MEGF6: variants seen among roughly 807,000 people sequenced by gnomAD.
The protein encoded by MEGF6 is multiple EGF like domains 6.
Under a neutral mutation model 207.1 loss-of-function variants are expected in MEGF6, and 184 were observed. The ratio of observed to expected loss-of-function variants is 0.89; its 90% CI spans 0.79 to 1.00. The LOEUF is 1.00. MEGF6 is among the 50% of genes least tolerant of loss of function. The pLI is 0.00. For synonymous variants in MEGF6, 1,038 were observed against 910.0 expected, an observed-to-expected ratio of 1.14 and a Z score of -2.53; for missense variants, 2,282 against 2,202.9, an observed-to-expected ratio of 1.04 and a Z score of -0.72.
rs752215448 is a variant in MEGF6 at position 3,510,907 on chromosome 1, G to A, written c.1115-5C>T. 2 of 1,598,114 alleles carry A rather than the reference G, an allele frequency of 1.3e-6. No homozygotes were observed. Among genetic ancestry groups the A allele is most frequent in the East Asian group, 2.3e-5 (1 of 44,338 alleles). On this transcript the variant is annotated splice_region_variant and splice_polypyrimidine_tract_variant and intron_variant, in intron 9 of 36. Transcript: ENST00000356575. ...TGTCTGCACAGTCGTCGACATCTGT[G>A]GAGCACACGCCACGGGCCCCCTGGT...
At position 3,490,396 on chromosome 1, in the gene MEGF6, C is replaced by T; in HGVS notation, c.*132G>A. The T allele has an allele frequency of 2.0e-6, 2 of 1,003,738 alleles. No individual in the cohort carries two copies. The highest frequency in any genetic ancestry group is 2.7e-5 in the East Asian group (1 of 37,654). 62.2% of individuals were successfully genotyped at this position (1,003,738 alleles called of 1,614,324 possible). ...CGACAGGTTGCTGGGCTGTCCACAG[C>T]CCTCCACGGCCCTCAAAGGAAGGGC... On this transcript the variant is annotated 3_prime_UTR_variant, in exon 37 of 37. Coordinates refer to ENST00000356575, the MANE Select transcript of MEGF6 (RefSeq NM_001409.4).
At chr1:3,580,331 A>AC (rs969086815) in intron 3 of MEGF6, among the ~76,000 whole-genome samples, 1 of 150,910 alleles carries the variant, frequency 6.6e-6, no homozygotes, top group Admixed American at 6.6e-5. Context: ...CCGGCTGAGG[A>AC]CCCCCCTCAA....
At chr1:3,531,308 G>C in intron 4 of MEGF6, 2 of 1,245,388 alleles carry the variant, frequency 1.6e-6, no homozygotes, top group Non-Finnish European at 2.0e-6. Context: ...TAAGCCGGCG[G>C]CCGGGCGACG....
intron 28 of MEGF6, 75 bp downstream of exon 28, chr1:3,496,912 CG>C (rs1285527364): frequency 3.3e-6 from 5 of 1,527,694 alleles, no homozygotes; most frequent in African/African-American, 1.4e-5. Context: ...AGGGCCTTCC[CG>C]GGGACCAGGG....
At chr1:3,590,349 G>A (rs112133666) in intron 3 of MEGF6, among the ~76,000 whole-genome samples, 18 of 152,118 alleles carry the variant, frequency 1.2e-4, no homozygotes, top group African/African-American at 2.7e-4. Context: ...ACCTGGCACC[G>A]GACCAGGATA....
chr1:3,570,558 C>A (rs1643466075), intron 4 of MEGF6, among the ~76,000 whole-genome samples: 1 of 152,230 alleles, frequency 6.6e-6, no homozygotes, highest in African/African-American at 2.4e-5. Flanking sequence ...AAGGAGGCAT[C>A]TTCCGGCCCA....
At chr1:3,582,837 C>T (rs557385636) in intron 3 of MEGF6, among the ~76,000 whole-genome samples, 21 of 152,316 alleles carry the variant, frequency 1.4e-4, no homozygotes, top group African/African-American at 3.8e-4. Context: ...CACAGCGCCC[C>T]GCTCTTGCCC....
chr1:3,531,547 G>T (rs1469363844), intron 4 of MEGF6: 8 of 987,604 alleles, frequency 8.1e-6, no homozygotes, highest in African/African-American at 5.2e-5. Context: ...CCCCCAGGGG[G>T]CCGCGCCGGC....
At position 3,560,654 on chromosome 1, in the gene MEGF6, T is replaced by C; in HGVS notation, c.481+19171A>G. 1 of 446,434 alleles carries C rather than the reference T, an allele frequency of 2.2e-6. No individual in the cohort carries two copies. Among genetic ancestry groups the C allele is most frequent in the Non-Finnish European group, 4.7e-6 (1 of 211,034 alleles). The allele number at this position is 446,434 out of a possible 1,614,324, so 27.7% of individuals were successfully genotyped here. ...GGGGATCCGGGGTCCCTTCCCAGGCTTGGGGGAGGCTGGGTGCCATCAACC... is the reference window on the plus strand; with the variant it reads ...GGGGATCCGGGGTCCCTTCCCAGGCCTGGGGGAGGCTGGGTGCCATCAACC... On this transcript the variant is annotated intron_variant, in intron 4 of 36. Transcript: ENST00000356575. This position sits in a 1 kb window ranked among gnomAD's most constrained non-coding sequence, Gnocchi z 4.0.
intron 4 of MEGF6, among the ~76,000 whole-genome samples, chr1:3,545,234 G>C (rs1357275251): frequency 6.6e-6 from 1 of 152,148 alleles, no homozygotes; most frequent in Non-Finnish European, 1.5e-5. Context: ...CCCCAGGGTT[G>C]AGGTGAAATC....
At chr1:3,584,235 A>G (rs902807692) in intron 3 of MEGF6, among the ~76,000 whole-genome samples, 2 of 152,212 alleles carry the variant, frequency 1.3e-5, no homozygotes, top group Non-Finnish European at 2.9e-5. Context: ...AACCACAAGC[A>G]AACGCCTCTC....
rs1643329799 is a variant in MEGF6, at chr1:3,565,870, C to T, written c.481+13955G>A. ...CCAGGGCAGGCACTGTGGACCCTGA[C>T]ACCCAGCGGCACAGGGACTCTCATG... On this transcript the variant is annotated intron_variant, in intron 4 of 36. Coordinates refer to ENST00000356575, the MANE Select transcript of MEGF6 (RefSeq NM_001409.4). The surrounding 1 kb of genome is among the most constrained non-coding windows in gnomAD (Gnocchi z 4.8). Among the ~76,000 whole-genome samples the T allele has an allele frequency of 2.0e-5, 3 of 152,176 alleles. No homozygotes were observed. The South Asian group carries it at 6.2e-4, about 31-fold the overall frequency.
At chr1:3,592,075 C>T (rs1643988569) in intron 3 of MEGF6, among the ~76,000 whole-genome samples, 1 of 152,170 alleles carries the variant, frequency 6.6e-6, no homozygotes, top group Non-Finnish European at 1.5e-5. Context: ...CCATTCTGCC[C>T]TGCCAGGGCA....
Position 3,511,606 on chromosome 1 carries a change from G to T in MEGF6, c.1058C>A (p.Pro353His). Residue 353 changes from proline (P) to histidine (H), a missense_variant, in exon 9 of 37, where the codon CCC becomes CAC. By Grantham distance (77) the Pro-to-His change is moderately conservative. Transcript: ENST00000356575. ...GTAGCCGCGGGGACATGTGCACAGG[G>T]GCCCAGCACTGGTGTGGCTGCAGCC... ...SHGCSHTSAG[P>H]LCTCPRGYEL... is the part of the protein sequence containing the mutation. 6.2e-7 allele frequency: 1 copy of T among 1,612,488 alleles called. No homozygotes were observed. Among genetic ancestry groups the T allele is most frequent in the Non-Finnish European group, 8.5e-7 (1 of 1,179,606 alleles).
intron 35 of MEGF6, 36 bp from the exon 36 acceptor site, chr1:3,490,995 C>A: frequency 6.4e-7 from 1 of 1,551,978 alleles, no homozygotes; most frequent in Non-Finnish European, 8.7e-7. Context: ...GTTAGTACCC[C>A]CAGCCTTGAG....
Position 3,501,833 on chromosome 1 carries a change from C to T in MEGF6, c.2277G>A (p.Arg759=), listed in dbSNP as rs754661680. The T allele has an allele frequency of 1.9e-6, 3 of 1,608,414 alleles. No homozygotes were observed. The highest frequency in any genetic ancestry group is 1.7e-4 in the Middle Eastern group (1 of 6,052). ...CTTCCCCAGTCCTCCCCGGCGGACA[C>T]CGGCACTGCCCCGTGACCCCGTGGC... ...APCHGVTGQC[R]CPPGRTGEDC... is the part of the protein sequence containing the mutation. Residue 759 remains arginine (R), a synonymous_variant, in exon 18 of 37, where the codon CGG becomes CGA. Coordinates refer to ENST00000356575, the MANE Select transcript of MEGF6 (RefSeq NM_001409.4).
chr1:3,599,521 C>T (rs1481867121), intron 2 of MEGF6, among the ~76,000 whole-genome samples: 1 of 152,264 alleles, frequency 6.6e-6, no homozygotes, highest in African/African-American at 2.4e-5. Flanking sequence ...GCCCCAACAA[C>T]CTGGCACAGG....
At chr1:3,545,947 C>T (rs1642689368) in intron 4 of MEGF6, among the ~76,000 whole-genome samples, 1 of 152,228 alleles carries the variant, frequency 6.6e-6, no homozygotes, top group Non-Finnish European at 1.5e-5. Flanking sequence ...TGGCCCCTGC[C>T]CCCCTCCAAA....
At chr1:3,581,987 G>A (rs569035494) in intron 3 of MEGF6, among the ~76,000 whole-genome samples, 41 of 152,108 alleles carry the variant, frequency 2.7e-4, no homozygotes, top group African/African-American at 4.8e-4. Flanking sequence ...GAAAAGGGGC[G>A]TGCTTCTGAA....
Sources: gnomAD v4.1 joint callset for allele counts (sites outside exome capture counted in the v4.1 genomes callset) on GRCh38, gnomAD v4.1.1 for gene constraint, Gnocchi (gnomAD v3.1) non-coding constraint, MANE v1.5 for transcripts, NCBI Gene and HGNC (gene_info 2026-07-23, HGNC 2026-07-21) for gene names.